Variants in SORCS2 observed in about 807,000 individuals in gnomAD.
The protein encoded by SORCS2 is VPS10 domain-containing receptor SorCS2.
SORCS2 carries 100 observed loss-of-function variants against 141.6 expected under a neutral mutation model. The ratio of observed to expected loss-of-function variants is 0.71; its 90% CI spans 0.60 to 0.83. The LOEUF (loss-of-function observed/expected upper bound fraction) is 0.83, where lower values mean the gene tolerates loss of function less well. Ranked by LOEUF, SORCS2 falls within the 40% of genes least tolerant of loss-of-function variation. SORCS2 has a pLI of 0.00. For missense variants in SORCS2, 1,646 were observed against 1,560.2 expected (o/e 1.05, Z -0.93); for synonymous variants, 789 against 676.9 (o/e 1.17, Z -2.57).
chr4:7,728,278 G>A (rs1055530078), intron 21 of SORCS2, 72 bp from the exon 22 acceptor site: 28 of 1,145,058 alleles, frequency 2.4e-5, no homozygotes, highest in South Asian at 9.6e-5. Flanking sequence ...GGCTGCCCCC[G>A]ACCCCCACCC....
Position 7,689,482 on chromosome 4 carries a change from G to T in SORCS2, c.1489-4G>T. The T allele has an allele frequency of 6.3e-7, 1 of 1,588,856 alleles. No individual in the cohort carries two copies. The highest frequency in any genetic ancestry group is 8.6e-7 in the Non-Finnish European group (1 of 1,168,174). The stretch of plus-strand genomic sequence containing the variant: ...GACAGTTGCGTCCTTTCTCTTCCTT[G>T]CAGCCAGACTGCCACCTGCACCTGC... On this transcript the variant is annotated splice_region_variant and splice_polypyrimidine_tract_variant and intron_variant, in intron 10 of 26. Transcript: ENST00000507866.
intron 1 of SORCS2, among the ~76,000 whole-genome samples, chr4:7,334,341 C>T (rs1310348305): frequency 6.6e-6 from 1 of 152,102 alleles, no homozygotes; most frequent in Non-Finnish European, 1.5e-5. Flanking sequence ...CCTGGCGCTC[C>T]CCTACACTCC....
At chr4:7,373,506 T>TTTTTTTTTTTTGGG (rs1722412723) in intron 1 of SORCS2, among the ~76,000 whole-genome samples, 1 of 104,550 alleles carries the variant, frequency 9.6e-6, no homozygotes, top group Non-Finnish European at 2.0e-5. Context: ...TTTTTTTTTT[T>TTTTTTTTTTTTGGG]GAGTCGGGGT....
chr4:7,511,281 G>C (rs1356225947), intron 2 of SORCS2, among the ~76,000 whole-genome samples: 2 of 151,852 alleles, frequency 1.3e-5, no homozygotes, highest in African/African-American at 4.8e-5. Context: ...TCTGTGCAGA[G>C]AGAGAGAGAA....
intron 2 of SORCS2, among the ~76,000 whole-genome samples, chr4:7,486,155 C>T (rs1431433571): frequency 6.6e-6 from 1 of 152,172 alleles, no homozygotes; most frequent in Non-Finnish European, 1.5e-5. Flanking sequence ...ACCTGCAGCA[C>T]CTGCCTCCTG....
chr4:7,605,310 T>C (rs185466610), intron 3 of SORCS2, among the ~76,000 whole-genome samples: 2 of 152,278 alleles, frequency 1.3e-5, no homozygotes, highest in East Asian at 3.9e-4. Flanking sequence ...CATTCTTTGG[T>C]CATATTGAGT....
At chr4:7,535,336 G>A (rs6854264) in intron 3 of SORCS2, among the ~76,000 whole-genome samples, 149,377 of 152,298 alleles carry the variant, frequency 0.98, 73,263 homozygotes, top group East Asian at 1. Flanking sequence ...TGCGGGGCCA[G>A]GAGTGCAGCG....
intron 3 of SORCS2, among the ~76,000 whole-genome samples, chr4:7,608,511 A>G (rs924831628): frequency 5.3e-5 from 8 of 152,200 alleles, no homozygotes; most frequent in African/African-American, 1.9e-4. Context: ...GAAAAATATC[A>G]GTTCAGCAGA....
intron 3 of SORCS2, among the ~76,000 whole-genome samples, chr4:7,631,606 C>G (rs1253745569): frequency 6.6e-6 from 1 of 152,124 alleles, no homozygotes; most frequent in African/African-American, 2.4e-5. Context: ...GTACACCTCT[C>G]AGACCTACTC....
chr4:7,387,651 C>T (rs1486997694), intron 1 of SORCS2, among the ~76,000 whole-genome samples: 2 of 121,260 alleles, frequency 1.6e-5, no homozygotes, highest in Non-Finnish European at 3.4e-5. Context: ...ACATGCCCAC[C>T]ATACACATGC....
intron 1 of SORCS2, among the ~76,000 whole-genome samples, chr4:7,279,863 C>T (rs749167442): frequency 2.0e-5 from 3 of 151,244 alleles, no homozygotes; most frequent in South Asian, 2.1e-4. Flanking sequence ...TCCCCTCCCC[C>T]GCCCCCCAAT....
chr4:7,723,661 C>T (rs1560112179), intron 18 of SORCS2, 36 bp from the exon 19 acceptor site: 3 of 1,607,108 alleles, frequency 1.9e-6, no homozygotes, highest in Admixed American at 1.7e-5. Context: ...AGCTTCAAGG[C>T]CCACTCCTGA....
At chr4:7,544,373 G>A (rs1021111706) in intron 3 of SORCS2, among the ~76,000 whole-genome samples, 3 of 152,208 alleles carry the variant, frequency 2.0e-5, no homozygotes, top group African/African-American at 7.2e-5. Flanking sequence ...TGTTAGCTGT[G>A]GGTGAAGGGG....
In SORCS2 at chr4:7,543,268, C is replaced by T. The variant is rs144651788; in HGVS notation, c.648+11639C>T. On this transcript the variant is annotated intron_variant, in intron 3 of 26. Transcript: ENST00000507866. ...AGAGTGAGAGGCAGGGAGGGTCACC[C>T]ATCCATGCATCCCTCCGTTCATCTG... Among the ~76,000 whole-genome samples the T allele has an allele frequency of 2.1e-3, 324 of 152,302 alleles. 2 individuals carry two copies. Among genetic ancestry groups the T allele is most frequent in the African/African-American group, 7.6e-3 (314 of 41,560 alleles).
chr4:7,471,249 C>A (rs188304168), intron 2 of SORCS2, among the ~76,000 whole-genome samples: 1 of 152,232 alleles, frequency 6.6e-6, no homozygotes, highest in Non-Finnish European at 1.5e-5. Flanking sequence ...TCCTGCCTCG[C>A]GCAATGCCAT....
intron 18 of SORCS2, 63 bp downstream of exon 18, chr4:7,718,246 C>A (rs544703852): frequency 1.3e-6 from 2 of 1,555,502 alleles, no homozygotes; most frequent in Non-Finnish European, 1.7e-6. Context: ...CAACTGGGCA[C>A]GCAGAAGGCA....
chr4:7,351,797 A>G (rs1022727526), intron 1 of SORCS2, among the ~76,000 whole-genome samples: 1 of 150,886 alleles, frequency 6.6e-6, no homozygotes, highest in African/African-American at 2.4e-5. Flanking sequence ...CCATCCATCT[A>G]TCCATCACCC....
intron 24 of SORCS2, 96 bp from the exon 25 acceptor site, chr4:7,734,154 AGCTGGGGATGGGCGGGGGACAG>A (rs1168371603): frequency 6.7e-6 from 4 of 594,346 alleles, no homozygotes; most frequent in South Asian, 6.0e-5. Context: ...GCAGGGGACA[AGCTGGGGATGGGCGGGGGACAG>A]GCTGGGGACG....
rs571917163 is a variant in SORCS2 at position 7,739,787 on chromosome 4, C to T, written c.3416-413C>T. Among the ~76,000 whole-genome samples, 6 of 152,302 alleles carry T rather than the reference C, an allele frequency of 3.9e-5. No homozygotes were observed. The South Asian group carries it at 1.2e-3, about 32-fold the overall frequency. ...CCGGCTCACCCCTTGGCACTGACAT[C>T]CCTATGCCCCCCTCTCTCCCACTCT... On this transcript the variant is annotated intron_variant, in intron 26 of 26. Coordinates refer to ENST00000507866, the MANE Select transcript of SORCS2 (RefSeq NM_020777.3).
Sources: allele counts gnomAD v4.1 joint callset (sites outside exome capture counted in the v4.1 genomes callset), GRCh38; gene constraint gnomAD v4.1.1; transcripts MANE v1.5; gene names NCBI Gene and HGNC (gene_info 2026-07-23, HGNC 2026-07-21).